The following COL24A1 variants were observed in gnomAD, a reference collection of about 807,000 sequenced individuals.
COL24A1 encodes the protein collagen alpha-1(XXIV) chain.
COL24A1 carries 224 observed loss-of-function variants against 253.9 expected under a neutral mutation model. The observed-to-expected ratio is 0.88, with a 90% CI of 0.79 to 0.99. The LOEUF is 0.99. Ranked by LOEUF, COL24A1 falls within the 50% of genes least tolerant of loss-of-function variation. The probability of loss-of-function intolerance (pLI) is 0.00; values close to 1 mark genes in which losing one functional copy is unlikely to be tolerated. For missense variants in COL24A1, 2,131 were observed against 2,068.5 expected (o/e 1.03, Z -0.59); for synonymous variants, 685 against 673.7 (o/e 1.02, Z -0.26).
chr1:86,015,901 T>G (rs1559014523), intron 19 of COL24A1, among the ~76,000 whole-genome samples: 1 of 142,260 alleles, frequency 7.0e-6, no homozygotes, highest in African/African-American at 2.7e-5. Flanking sequence ...TTTTTTTTTT[T>G]GGAGACGGGG....
At chr1:86,038,069 A>G (rs748509775) in intron 12 of COL24A1, among the ~76,000 whole-genome samples, 19 of 152,094 alleles carry the variant, frequency 1.2e-4, no homozygotes, top group Non-Finnish European at 2.4e-4. Flanking sequence ...ACCTGTCGCC[A>G]ATGTAAAAAA....
At chr1:85,962,832 A>T (rs896980777) in intron 23 of COL24A1, among the ~76,000 whole-genome samples, 4 of 152,262 alleles carry the variant, frequency 2.6e-5, no homozygotes, top group Admixed American at 2.0e-4. Flanking sequence ...GAACAGTAAG[A>T]TGTTAAGATA....
chr1:86,026,166 A>G (rs1408668), intron 14 of COL24A1, among the ~76,000 whole-genome samples: 38,987 of 152,104 alleles, frequency 0.26, 5,914 homozygotes, highest in African/African-American at 0.42. Flanking sequence ...ATGAATGTAA[A>G]ATGGAAGTAA....
intron 5 of COL24A1, among the ~76,000 whole-genome samples, chr1:86,103,915 T>C (rs1456035350): frequency 6.6e-6 from 1 of 152,192 alleles, no homozygotes; most frequent in Admixed American, 6.5e-5. Flanking sequence ...TTTCCTAAAT[T>C]TGAATTTTGG....
At chr1:85,804,811 T>C (rs763942288) in intron 47 of COL24A1, among the ~76,000 whole-genome samples, 1 of 151,474 alleles carries the variant, frequency 6.6e-6, no homozygotes, top group Non-Finnish European at 1.5e-5. Context: ...AGCCAAACCA[T>C]ATCAACAGGG....
chr1:86,086,716 C>T (rs1435233055), intron 7 of COL24A1, among the ~76,000 whole-genome samples: 1 of 152,062 alleles, frequency 6.6e-6, no homozygotes, highest in African/African-American at 2.4e-5. Flanking sequence ...CAGAATAATT[C>T]ACCAGTAACA....
intron 5 of COL24A1, among the ~76,000 whole-genome samples, chr1:86,107,961 T>G (rs1705162619): frequency 6.6e-6 from 1 of 152,092 alleles, no homozygotes; most frequent in South Asian, 2.1e-4. Context: ...CCAAGAGGCC[T>G]AAGTTTTTGC....
intron 7 of COL24A1, among the ~76,000 whole-genome samples, chr1:86,077,257 T>C (rs1702316764): frequency 6.6e-6 from 1 of 152,020 alleles, no homozygotes; most frequent in African/African-American, 2.4e-5. Context: ...CATATGGTCA[T>C]TAGAGAAATG....
chr1:86,017,162 G>T lies in COL24A1; in HGVS notation c.2299C>A (p.Pro767Thr). 2 of 1,594,296 alleles carry T rather than the reference G, an allele frequency of 1.3e-6. No individual in the cohort carries two copies. Among genetic ancestry groups the T allele is most frequent in the Non-Finnish European group, 1.7e-6 (2 of 1,172,760 alleles). The change falls in exon 19 of 60, where the codon CCA (proline) becomes ACA (threonine). Residue 767 changes from proline (P) to threonine (T), a missense_variant. Transcript: ENST00000370571. ...CACCAATATTTTACCTCTGGTCCTG[G>T]AGGGCCAGATGGTCCTTGGAGTCCT... Reference protein sequence around the residue: ...DPGLQGPSGPPGPEGFPGDIG... With the variant: ...DPGLQGPSGPTGPEGFPGDIG...
At chr1:86,153,659 G>T (rs4656122) in intron 1 of COL24A1, among the ~76,000 whole-genome samples, 2 of 152,126 alleles carry the variant, frequency 1.3e-5, no homozygotes, top group Admixed American at 1.3e-4. Flanking sequence ...CCATAAATTA[G>T]ATTTACTCTC....
At chr1:86,014,095 T>C (rs1026785632) in intron 19 of COL24A1, among the ~76,000 whole-genome samples, 10 of 152,194 alleles carry the variant, frequency 6.6e-5, no homozygotes, top group African/African-American at 2.2e-4. Flanking sequence ...GTATAACTCA[T>C]TTATTTTTTA....
chr1:85,839,343 A>G (rs1226612996), intron 42 of COL24A1, among the ~76,000 whole-genome samples: 1 of 152,228 alleles, frequency 6.6e-6, no homozygotes, highest in Non-Finnish European at 1.5e-5. Context: ...TTCAGTACAT[A>G]ATTCCATTAA....
intron 47 of COL24A1, among the ~76,000 whole-genome samples, chr1:85,796,856 C>T (rs543107026): frequency 6.6e-6 from 1 of 152,104 alleles, no homozygotes; most frequent in South Asian, 2.1e-4. Flanking sequence ...ATACCTATCG[C>T]ATCTAGATTT....
chr1:86,015,619 T>C (rs1009540652), intron 19 of COL24A1, among the ~76,000 whole-genome samples: 1 of 152,132 alleles, frequency 6.6e-6, no homozygotes, highest in African/African-American at 2.4e-5. Context: ...TAATAACCTT[T>C]AAAGATAATG....
At chr1:86,148,936 CAATGGTTGA>C (rs1652332093) in intron 1 of COL24A1, among the ~76,000 whole-genome samples, 1 of 152,122 alleles carries the variant, frequency 6.6e-6, no homozygotes, top group Non-Finnish European at 1.5e-5. Flanking sequence ...CTGACTTCCA[CAATGGTTGA>C]ACTAGTTTAC....
Position 85,909,811 on chromosome 1 carries a change from A to T in COL24A1, c.2670+139T>A. 4.0e-6 allele frequency: 3 copies of T among 752,656 alleles called. 1 individual carries two copies. Among genetic ancestry groups the T allele is most frequent in the Non-Finnish European group, 2.3e-6 (1 of 430,522 alleles). The allele number at this position is 752,656 out of a possible 1,614,324, so 46.6% of individuals were successfully genotyped here. On this transcript the variant is annotated intron_variant, in intron 26 of 59. Transcript: ENST00000370571. ...TATCACATAGCATTCTGGGAGATAA[A>T]CCATTTAAAAATAAAATTCTATGGG...
chr1:85,965,078 A>T lies in COL24A1; in HGVS notation c.2464-16T>A, dbSNP rs367912652. ...CTGGTTTTCCCTAGAAGAGAACAGCATAAAAGAAGAAAGTATATATGTTTA... is the reference window on the plus strand; with the variant it reads ...CTGGTTTTCCCTAGAAGAGAACAGCTTAAAAGAAGAAAGTATATATGTTTA... On this transcript the variant is annotated splice_polypyrimidine_tract_variant and intron_variant, in intron 22 of 59. Coordinates refer to ENST00000370571, the MANE Select transcript of COL24A1 (RefSeq NM_152890.7). 1.0e-5 allele frequency: 16 copies of T among 1,597,332 alleles called. No individual in the cohort carries two copies. Among genetic ancestry groups the T allele is most frequent in the Non-Finnish European group, 1.3e-5 (15 of 1,171,204 alleles).
Position 86,062,416 on chromosome 1 carries a change from C to G in COL24A1, c.1752+1299G>C, listed in dbSNP as rs547934243. Among the ~76,000 whole-genome samples the G allele has an allele frequency of 1.0e-3, 152 of 150,994 alleles. No homozygotes were observed. The Middle Eastern group carries it at 0.017, about 17-fold the overall frequency. ...TTTGCCTGTTTTTTTTTTCTGGAAA[C>G]AAATAGAATAGAAAGGAAGAACTGA... On this transcript the variant is annotated intron_variant, in intron 8 of 59. Coordinates refer to ENST00000370571, the MANE Select transcript of COL24A1 (RefSeq NM_152890.7).
intron 24 of COL24A1, among the ~76,000 whole-genome samples, chr1:85,921,227 G>C (rs890710567): frequency 3.9e-5 from 6 of 152,194 alleles, no homozygotes; most frequent in Non-Finnish European, 8.8e-5. Context: ...GGACACTCCT[G>C]CCCAAATACT....
Sources: allele counts gnomAD v4.1 joint callset (sites outside exome capture counted in the v4.1 genomes callset), GRCh38; gene constraint gnomAD v4.1.1; transcripts MANE v1.5; gene names NCBI Gene and HGNC (gene_info 2026-07-23, HGNC 2026-07-21).